GUCY1A2: variants seen among roughly 807,000 people sequenced by gnomAD.
GUCY1A2 encodes guanylate cyclase soluble subunit alpha-2.
GUCY1A2 carries 27 observed loss-of-function variants against 63.5 expected under a neutral mutation model. The ratio of observed to expected loss-of-function variants is 0.43; its 90% CI spans 0.31 to 0.59. The LOEUF (loss-of-function observed/expected upper bound fraction) is 0.59. Ranked by LOEUF, GUCY1A2 falls within the 20% of genes least tolerant of loss-of-function variation. GUCY1A2 has a pLI of 0.11. For synonymous variants in GUCY1A2, 364 were observed against 343.5 expected (o/e 1.06, Z -0.66); for missense variants, 768 against 913.3 (o/e 0.84, Z 2.05).
intron 2 of GUCY1A2, among the ~76,000 whole-genome samples, chr11:106,980,387 A>G (rs1861319704): frequency 2.0e-5 from 3 of 152,348 alleles, no homozygotes; most frequent in Non-Finnish European, 4.4e-5. Flanking sequence ...TAGTGAGGGC[A>G]TGACAGCCAA....
intron 4 of GUCY1A2, among the ~76,000 whole-genome samples, chr11:106,902,435 C>A (rs902005119): frequency 1.8e-4 from 28 of 152,096 alleles, no homozygotes; most frequent in African/African-American, 6.8e-4. Flanking sequence ...CAAGAGAAAC[C>A]ATCTTTTGAA....
chr11:106,744,802 G>A (rs1473097490), intron 6 of GUCY1A2, among the ~76,000 whole-genome samples: 9 of 152,138 alleles, frequency 5.9e-5, no homozygotes, highest in Non-Finnish European at 1.5e-5. Flanking sequence ...AGCTAATTGT[G>A]TACCTCATTA....
At chr11:106,977,036 G>C (rs923575380) in intron 3 of GUCY1A2, among the ~76,000 whole-genome samples, 1 of 152,100 alleles carries the variant, frequency 6.6e-6, no homozygotes, top group Admixed American at 6.6e-5. Flanking sequence ...CATTATCTTT[G>C]AACACCTCCT....
At chr11:106,818,705 G>A (rs770670508) in intron 4 of GUCY1A2, among the ~76,000 whole-genome samples, 24 of 152,092 alleles carry the variant, frequency 1.6e-4, no homozygotes, top group African/African-American at 5.1e-4. Flanking sequence ...GCCAAGTTGC[G>A]AATGAAAATG....
At chr11:106,739,908 G>T (rs1051563923) in intron 6 of GUCY1A2, among the ~76,000 whole-genome samples, 1 of 151,714 alleles carries the variant, frequency 6.6e-6, no homozygotes, top group Non-Finnish European at 1.5e-5. Flanking sequence ...CCAGAGTTTA[G>T]CTCCTCAGAG....
chr11:107,010,765 C>T (rs372645365), intron 1 of GUCY1A2, among the ~76,000 whole-genome samples: 1 of 152,102 alleles, frequency 6.6e-6, no homozygotes, highest in Non-Finnish European at 1.5e-5. Context: ...GAGTATTCCT[C>T]TGTCACCCAG....
intron 6 of GUCY1A2, among the ~76,000 whole-genome samples, chr11:106,749,601 G>A (rs1178570833): frequency 6.6e-6 from 1 of 152,026 alleles, no homozygotes; most frequent in East Asian, 1.9e-4. Context: ...AACCAATATA[G>A]AAGAACCAGT....
chr11:106,766,401 C>A (rs1317369935), intron 6 of GUCY1A2, among the ~76,000 whole-genome samples: 1 of 151,994 alleles, frequency 6.6e-6, no homozygotes, highest in Non-Finnish European at 1.5e-5. Flanking sequence ...CTTTTTAAGT[C>A]CATACCTTCT....
intron 1 of GUCY1A2, among the ~76,000 whole-genome samples, chr11:106,995,649 C>G (rs1191917957): frequency 1.3e-5 from 2 of 152,166 alleles, no homozygotes; most frequent in Admixed American, 1.3e-4. Flanking sequence ...TAAAGTATTA[C>G]ACAAATATGT....
Position 106,683,370 on chromosome 11 carries a change from A to C in GUCY1A2, c.*4179T>G, listed in dbSNP as rs1321278060. ...ACCCAAAGCCTATTCAGAGTCATTT[A>C]TAATTAATTTCAAAGGAACATTCAG... On this transcript the variant is annotated 3_prime_UTR_variant, in exon 8 of 8. Transcript: ENST00000526355. The C allele has an allele frequency of 4.5e-6, 1 of 223,632 alleles. No individual in the cohort carries two copies. Among genetic ancestry groups the C allele is most frequent in the Admixed American group, 5.7e-5 (1 of 17,430 alleles). 13.9% of individuals were successfully genotyped at this position (223,632 alleles called of 1,614,324 possible).
At chr11:106,971,562 A>G (rs1861194624) in intron 3 of GUCY1A2, among the ~76,000 whole-genome samples, 1 of 152,138 alleles carries the variant, frequency 6.6e-6, no homozygotes, top group Non-Finnish European at 1.5e-5. Context: ...TCCTTGTTAG[A>G]AAGAAGGATA....
intron 4 of GUCY1A2, among the ~76,000 whole-genome samples, chr11:106,893,914 C>T (rs972853840): frequency 1.3e-5 from 2 of 152,162 alleles, no homozygotes; most frequent in African/African-American, 2.4e-5. Context: ...CTTCATGGAG[C>T]TCTACTAGCT....
chr11:106,689,137 T>C (rs1003125351), intron 7 of GUCY1A2, among the ~76,000 whole-genome samples: 2 of 152,106 alleles, frequency 1.3e-5, no homozygotes, highest in African/African-American at 4.8e-5. Flanking sequence ...GATAAGAACA[T>C]TGCACAATCA....
In GUCY1A2 at chr11:106,902,197, A is replaced by G. The variant is rs1412338231; in HGVS notation, c.1206+37263T>C. Among the ~76,000 whole-genome samples, 4 of 152,320 alleles carry G rather than the reference A, an allele frequency of 2.6e-5. No individual in the cohort carries two copies. In the East Asian group the frequency reaches 5.8e-4, roughly 22 times the overall value. On this transcript the variant is annotated intron_variant, in intron 4 of 7. Coordinates refer to ENST00000526355, the MANE Select transcript of GUCY1A2 (RefSeq NM_000855.3). ...GTGACCATTTACTTTGTCAAAGAGCACTATTATTTTGAAAGGAATCTCTTT... is the reference window on the plus strand; with the variant it reads ...GTGACCATTTACTTTGTCAAAGAGCGCTATTATTTTGAAAGGAATCTCTTT...
intron 4 of GUCY1A2, among the ~76,000 whole-genome samples, chr11:106,926,396 C>A (rs1414357522): frequency 6.6e-6 from 1 of 151,210 alleles, no homozygotes; most frequent in African/African-American, 2.4e-5. Flanking sequence ...CAGGATCAAA[C>A]CACTGCACTC....
chr11:106,868,290 C>A (rs942764468), intron 4 of GUCY1A2, among the ~76,000 whole-genome samples: 1 of 151,962 alleles, frequency 6.6e-6, no homozygotes, highest in Admixed American at 6.6e-5. Flanking sequence ...ATAAGCAATG[C>A]AGTTAGGCAA....
chr11:106,972,136 T>G (rs1423755668), intron 3 of GUCY1A2, among the ~76,000 whole-genome samples: 1 of 152,100 alleles, frequency 6.6e-6, no homozygotes, highest in African/African-American at 2.4e-5. Context: ...GTCAACTAAA[T>G]GTAATGTGAA....
chr11:106,977,831 G>A (rs1351936271), intron 3 of GUCY1A2, among the ~76,000 whole-genome samples: 1 of 152,042 alleles, frequency 6.6e-6, no homozygotes, highest in Admixed American at 6.6e-5. Flanking sequence ...AGCACCCCAT[G>A]GATTCCTATC....
intron 1 of GUCY1A2, among the ~76,000 whole-genome samples, chr11:106,996,978 T>C (rs1348722507): frequency 6.6e-6 from 1 of 152,184 alleles, no homozygotes; most frequent in Non-Finnish European, 1.5e-5. Flanking sequence ...ATTCCTAAGT[T>C]AGAGATACAG....
Sources: gnomAD v4.1 joint callset for allele counts (sites outside exome capture counted in the v4.1 genomes callset) on GRCh38, gnomAD v4.1.1 for gene constraint, MANE v1.5 for transcripts, NCBI Gene and HGNC (gene_info 2026-07-23, HGNC 2026-07-21) for gene names.